The following DRC11 variants were observed in gnomAD, a reference collection of about 807,000 sequenced individuals.
DRC11 encodes dynein regulatory complex subunit 11, also known as IQ and AAA domain-containing protein 1.
At chr2:236,369,407 T>G in the DRC11 span, among the ~76,000 whole-genome samples, 1 of 152,186 alleles carries the variant, frequency 6.6e-6, no homozygotes, top group Non-Finnish European at 1.5e-5. The surrounding 1 kb of genome is among the most constrained non-coding windows in gnomAD (Gnocchi z 4.5). Flanking sequence ...TGAAAGCATC[T>G]ATTATGGCTT....
chr2:236,392,013 C>T, the DRC11 span: 3 of 1,614,020 alleles, frequency 1.9e-6, no homozygotes, highest in East Asian at 2.2e-5. This position sits in a 1 kb window ranked among gnomAD's most constrained non-coding sequence, Gnocchi z 5.1. Flanking sequence ...TGGGCGCTCC[C>T]TTTCTCTGTC....
chr2:236,373,968 T>C, the DRC11 span, among the ~76,000 whole-genome samples: 1 of 152,264 alleles, frequency 6.6e-6, no homozygotes, highest in East Asian at 1.9e-4. Context: ...GGCACTGGGG[T>C]GGGTCACCGC....
the DRC11 span, among the ~76,000 whole-genome samples, chr2:236,349,283 G>A: frequency 5.9e-5 from 9 of 152,156 alleles, no homozygotes; most frequent in Non-Finnish European, 1.3e-4. This position sits in a 1 kb window ranked among gnomAD's most constrained non-coding sequence, Gnocchi z 5.5. Context: ...CAGCTATTTT[G>A]AGTTTAAGTC....
chr2:236,359,098 G>T, the DRC11 span, among the ~76,000 whole-genome samples: 1 of 152,146 alleles, frequency 6.6e-6, no homozygotes. The surrounding 1 kb of genome is among the most constrained non-coding windows in gnomAD (Gnocchi z 4.3). Context: ...GCGCAGGGAA[G>T]GAGGCTGGAG....
the DRC11 span, chr2:236,408,150 A>G: frequency 1.4e-6 from 1 of 693,070 alleles, no homozygotes; most frequent in East Asian, 2.9e-5. The surrounding 1 kb of genome is among the most constrained non-coding windows in gnomAD (Gnocchi z 5.5). Flanking sequence ...CAGGAAGGTC[A>G]TGGTCAGTGG....
the DRC11 span, chr2:236,494,005 C>T: frequency 1.2e-6 from 1 of 813,816 alleles, no homozygotes; most frequent in Non-Finnish European, 1.7e-6. The surrounding 1 kb of genome is among the most constrained non-coding windows in gnomAD (Gnocchi z 4.2). Flanking sequence ...TTCCCATTTT[C>T]ATTTAAGAAA....
chr2:236,491,868 C>T, the DRC11 span, among the ~76,000 whole-genome samples: 10 of 152,108 alleles, frequency 6.6e-5, no homozygotes, highest in Non-Finnish European at 1.2e-4. Context: ...TTAAACGTGT[C>T]CCACAAACTT....
chr2:236,365,979 C>A, the DRC11 span, among the ~76,000 whole-genome samples: 2 of 152,170 alleles, frequency 1.3e-5, no homozygotes, highest in African/African-American at 4.8e-5. The surrounding 1 kb of genome is among the most constrained non-coding windows in gnomAD (Gnocchi z 7.4). Flanking sequence ...AGTTTAGCCC[C>A]TTCCTAGCCC....
the DRC11 span, among the ~76,000 whole-genome samples, chr2:236,356,179 C>A: frequency 6.6e-6 from 1 of 152,136 alleles, no homozygotes; most frequent in Non-Finnish European, 1.5e-5. Flanking sequence ...TAAGAATGTC[C>A]AGGGGCAGAG....
the DRC11 span, among the ~76,000 whole-genome samples, chr2:236,353,416 A>G: frequency 1.1e-4 from 17 of 152,338 alleles, no homozygotes; most frequent in African/African-American, 3.8e-4. This position sits in a 1 kb window ranked among gnomAD's most constrained non-coding sequence, Gnocchi z 5.0. Flanking sequence ...TTTCCAAAGA[A>G]ACACTGTCAA....
the DRC11 span, chr2:236,324,704 T>C: frequency 6.3e-6 from 10 of 1,588,628 alleles, no homozygotes; most frequent in African/African-American, 1.3e-5. This position sits in a 1 kb window ranked among gnomAD's most constrained non-coding sequence, Gnocchi z 5.7. Context: ...CCTTTTCCCT[T>C]TGTCCTTTGC....
the DRC11 span, among the ~76,000 whole-genome samples, chr2:236,411,066 A>G: frequency 7.0e-6 from 1 of 142,464 alleles, no homozygotes; most frequent in East Asian, 2.0e-4. Context: ...TAAACTAAAG[A>G]GCTTCTGCAC....
chr2:236,338,263 G>C, the DRC11 span: 5 of 1,613,934 alleles, frequency 3.1e-6, no homozygotes, highest in Non-Finnish European at 4.2e-6. Context: ...AAACTTTGCA[G>C]AAAGATTGGA....
the DRC11 span, among the ~76,000 whole-genome samples, chr2:236,340,475 A>T: frequency 6.6e-6 from 1 of 152,108 alleles, no homozygotes; most frequent in East Asian, 1.9e-4. Flanking sequence ...TAGCAAGCCG[A>T]TGGTGGTGGG....
chr2:236,407,397 G>A, the DRC11 span, among the ~76,000 whole-genome samples: 2 of 152,124 alleles, frequency 1.3e-5, no homozygotes, highest in East Asian at 3.9e-4. Flanking sequence ...TCAGACTTGG[G>A]CTGGAGTCTA....
the DRC11 span, chr2:236,392,138 T>G: frequency 2.6e-6 from 4 of 1,552,336 alleles, no homozygotes; most frequent in Admixed American, 5.0e-5. The surrounding 1 kb of genome is among the most constrained non-coding windows in gnomAD (Gnocchi z 5.1). Context: ...TTGTGAAGTT[T>G]AAAAATCCCT....
chr2:236,494,478 T>G, the DRC11 span, among the ~76,000 whole-genome samples: 10 of 152,180 alleles, frequency 6.6e-5, no homozygotes, highest in Non-Finnish European at 1.2e-4. This position sits in a 1 kb window ranked among gnomAD's most constrained non-coding sequence, Gnocchi z 4.2. Flanking sequence ...GGGGTTCAGA[T>G]GAAAATTTAT....
chr2:236,357,372 A>G, the DRC11 span, among the ~76,000 whole-genome samples: 2 of 111,574 alleles, frequency 1.8e-5, no homozygotes, highest in East Asian at 2.4e-4. Context: ...TTATAAATAT[A>G]TTTATATAGT....
chr2:236,445,736 T>C, the DRC11 span, among the ~76,000 whole-genome samples: 1 of 151,668 alleles, frequency 6.6e-6, no homozygotes, highest in Non-Finnish European at 1.5e-5. This position sits in a 1 kb window ranked among gnomAD's most constrained non-coding sequence, Gnocchi z 4.8. Flanking sequence ...CCTTAAAGAA[T>C]GAAAAAAAAA....
Sources: allele counts gnomAD v4.1 joint callset (sites outside exome capture counted in the v4.1 genomes callset), GRCh38; gene constraint gnomAD v4.1.1; non-coding constraint Gnocchi (gnomAD v3.1); transcripts MANE v1.5; gene names NCBI Gene and HGNC (gene_info 2026-07-23, HGNC 2026-07-21).